CTNNA2: variants seen among roughly 807,000 people sequenced by gnomAD.
CTNNA2 encodes the protein catenin alpha-2.
Under a neutral mutation model 101.0 loss-of-function variants are expected in CTNNA2, and 42 were observed. That is an observed-to-expected ratio of 0.42 (90% CI 0.32 to 0.54). CTNNA2 has a LOEUF of 0.54. Ranked by LOEUF, CTNNA2 falls within the 20% of genes least tolerant of loss-of-function variation. The probability of loss-of-function intolerance (pLI) is 0.14; values close to 1 mark genes in which losing one functional copy is unlikely to be tolerated. For synonymous variants in CTNNA2, 450 were observed against 456.4 expected (o/e 0.99, Z 0.18); for missense variants, 871 against 1,223.1 (o/e 0.71, Z 4.29).
intron 15 of CTNNA2, among the ~76,000 whole-genome samples, chr2:80,592,586 C>T (rs1696607164): frequency 6.6e-6 from 1 of 152,166 alleles, no homozygotes; most frequent in South Asian, 2.1e-4. Flanking sequence ...TTCTACTGTG[C>T]TGTCTTCATA....
At chr2:79,246,422 A>G (rs1193896886) in intron 2 of CTNNA2, among the ~76,000 whole-genome samples, 1 of 152,074 alleles carries the variant, frequency 6.6e-6, no homozygotes, top group African/African-American at 2.4e-5. Context: ...TATGCCACGC[A>G]TTTTCTGTAT....
intron 2 of CTNNA2, among the ~76,000 whole-genome samples, chr2:79,658,498 A>G (rs1681778848): frequency 6.6e-6 from 1 of 152,046 alleles, no homozygotes; most frequent in Non-Finnish European, 1.5e-5. Context: ...GATACTTTTT[A>G]GAAAAAATAT....
intron 3 of CTNNA2, among the ~76,000 whole-genome samples, chr2:79,343,986 G>A (rs1013044947): frequency 3.3e-5 from 5 of 152,112 alleles, no homozygotes; most frequent in Non-Finnish European, 7.4e-5. Flanking sequence ...AAACCAATGA[G>A]GCTCCTGGCC....
chr2:80,314,892 C>T (rs1469540111), intron 7 of CTNNA2, among the ~76,000 whole-genome samples: 2 of 152,208 alleles, frequency 1.3e-5, no homozygotes, highest in African/African-American at 4.8e-5. Flanking sequence ...GAATTTGAGA[C>T]ATCTAATAAC....
At chr2:80,243,073 C>A (rs1671063932) in intron 7 of CTNNA2, among the ~76,000 whole-genome samples, 1 of 152,180 alleles carries the variant, frequency 6.6e-6, no homozygotes, top group Non-Finnish European at 1.5e-5. Flanking sequence ...AGAGAAGAGA[C>A]CAACATGTTC....
intron 7 of CTNNA2, among the ~76,000 whole-genome samples, chr2:80,207,831 G>A (rs562283468): frequency 8.5e-5 from 13 of 152,102 alleles, no homozygotes; most frequent in Non-Finnish European, 1.8e-4. Context: ...AGATAGCAAA[G>A]AATAGAATTC....
chr2:80,418,677 A>G (rs1479394383), intron 8 of CTNNA2, among the ~76,000 whole-genome samples: 1 of 152,132 alleles, frequency 6.6e-6, no homozygotes, highest in East Asian at 1.9e-4. Flanking sequence ...AGTGTTTATC[A>G]TCTTCTCTTC....
At chr2:79,817,683 C>T (rs927023656) in intron 3 of CTNNA2, among the ~76,000 whole-genome samples, 8 of 152,124 alleles carry the variant, frequency 5.3e-5, no homozygotes, top group African/African-American at 1.7e-4. Context: ...AAACCTAGAT[C>T]GAGAACACGA....
At chr2:80,499,334 G>C (rs1687698852) in intron 9 of CTNNA2, among the ~76,000 whole-genome samples, 1 of 152,200 alleles carries the variant, frequency 6.6e-6, no homozygotes, top group South Asian at 2.1e-4. Context: ...CTTAGTGGAT[G>C]TATGCTCAAG....
intron 4 of CTNNA2, among the ~76,000 whole-genome samples, chr2:79,504,478 C>T (rs551683333): frequency 2.9e-4 from 44 of 152,094 alleles, no homozygotes; most frequent in African/African-American, 9.9e-4. Flanking sequence ...TTAGTAGAGA[C>T]GGGCTTTCAC....
intron 3 of CTNNA2, among the ~76,000 whole-genome samples, chr2:79,356,683 A>G (rs1406434622): frequency 6.6e-6 from 1 of 152,240 alleles, no homozygotes; most frequent in African/African-American, 2.4e-5. Context: ...TAAAGTGAAC[A>G]GCCTCCAGTC....
chr2:80,612,296 A>G (rs1208091332), intron 17 of CTNNA2, among the ~76,000 whole-genome samples: 2 of 151,412 alleles, frequency 1.3e-5, no homozygotes, highest in Non-Finnish European at 3.0e-5. Context: ...AAAAAATTGG[A>G]CTCTAATTAC....
intron 1 of CTNNA2, among the ~76,000 whole-genome samples, chr2:79,549,220 G>A (rs1433276384): frequency 6.6e-6 from 1 of 152,116 alleles, no homozygotes; most frequent in African/African-American, 2.4e-5. Context: ...GCCATAGACT[G>A]TTTTTTCAAC....
intron 2 of CTNNA2, among the ~76,000 whole-genome samples, chr2:79,719,141 T>G (rs879883373): frequency 5.3e-5 from 8 of 152,294 alleles, no homozygotes; most frequent in Non-Finnish European, 1.2e-4. Flanking sequence ...GAACATGCAG[T>G]ATTTGGTTAA....
intron 3 of CTNNA2, among the ~76,000 whole-genome samples, chr2:79,824,174 C>A (rs1678235546): frequency 6.6e-6 from 1 of 152,126 alleles, no homozygotes; most frequent in African/African-American, 2.4e-5. Context: ...TATCAGATCT[C>A]CCCTGGAGTC....
intron 8 of CTNNA2, among the ~76,000 whole-genome samples, chr2:80,399,075 A>ATTTT (rs375797544): frequency 0.21 from 29,333 of 137,230 alleles, 4,670 homozygotes; most frequent in African/African-American, 0.46. Flanking sequence ...CGCCTGGCTA[A>ATTTT]TTTTTTTTTT....
intron 7 of CTNNA2, among the ~76,000 whole-genome samples, chr2:80,021,342 A>G (rs1694552462): frequency 6.6e-6 from 1 of 151,994 alleles, no homozygotes; most frequent in African/African-American, 2.4e-5. Context: ...TTTATCTGTG[A>G]ATGTATATTC....
At chr2:79,895,710 G>A (rs1272697226) in intron 6 of CTNNA2, among the ~76,000 whole-genome samples, 2 of 46,536 alleles carry the variant, frequency 4.3e-5, no homozygotes, top group Non-Finnish European at 9.7e-5. Context: ...TTTTTTTTTT[G>A]GCTGCATGCC....
chr2:80,322,086 A>G (rs1359970022), intron 7 of CTNNA2, among the ~76,000 whole-genome samples: 1 of 152,250 alleles, frequency 6.6e-6, no homozygotes, highest in African/African-American at 2.4e-5. Flanking sequence ...TGGTATGTGT[A>G]GAATTTCATA....
Sources: allele counts gnomAD v4.1 joint callset (sites outside exome capture counted in the v4.1 genomes callset), GRCh38; gene constraint gnomAD v4.1.1; transcripts MANE v1.5; gene names NCBI Gene and HGNC (gene_info 2026-07-23, HGNC 2026-07-21).